The following EPHA2 variants were observed in gnomAD, a reference collection of about 807,000 sequenced individuals.
The protein encoded by EPHA2 is EPH receptor A2, also known as ephrin type-A receptor 2.
In EPHA2, 54 loss-of-function variants were observed where a neutral mutation model predicts 104.9. The observed-to-expected ratio is 0.51, with a 90% CI of 0.41 to 0.65. The LOEUF (loss-of-function observed/expected upper bound fraction) is 0.65, where lower values mean the gene tolerates loss of function less well. Ranked by LOEUF, EPHA2 falls within the 30% of genes least tolerant of loss-of-function variation. EPHA2 has a pLI of 0.00. For missense variants in EPHA2, 1,117 were observed against 1,369.5 expected (o/e 0.82, Z 2.91); for synonymous variants, 560 against 559.1 (o/e 1.00, Z -0.02).
At chr1:16,146,715 C>T (rs2024941220) in intron 3 of EPHA2, among the ~76,000 whole-genome samples, 1 of 152,152 alleles carries the variant, frequency 6.6e-6, no homozygotes, top group Non-Finnish European at 1.5e-5. Flanking sequence ...GGGAACTTCT[C>T]ATCGGGGGGT....
chr1:16,153,624 G>T (rs973675049), intron 1 of EPHA2, among the ~76,000 whole-genome samples: 1 of 152,210 alleles, frequency 6.6e-6, no homozygotes, highest in African/African-American at 2.4e-5. Context: ...CCTCTGTCCA[G>T]AAGGCCCTGG....
chr1:16,145,982 C>T (rs1280568546), intron 3 of EPHA2, among the ~76,000 whole-genome samples: 1 of 152,218 alleles, frequency 6.6e-6, no homozygotes, highest in Non-Finnish European at 1.5e-5. Flanking sequence ...TCTGATAAAG[C>T]GCTTGCTTGG....
intron 3 of EPHA2, among the ~76,000 whole-genome samples, chr1:16,145,906 G>T (rs907869053): frequency 1.2e-4 from 18 of 152,210 alleles, no homozygotes; most frequent in Admixed American, 6.5e-4. Context: ...CAGTTTCCTG[G>T]TCTATCAAAT....
At position 16,133,562 on chromosome 1, in the gene EPHA2, C is replaced by G. The variant is rs2124207387; in HGVS notation, c.1783G>C (p.Glu595Gln). Residue 595 changes from glutamate to glutamine, a missense_variant, in exon 10 of 17, where the codon GAG becomes CAG. Coordinates refer to ENST00000358432, the MANE Select transcript of EPHA2 (RefSeq NM_004431.5). ...LKTYVDPHTY[E>Q]DPNQAVLKFT... ...TTCAACACAGCCTGGTTGGGGTCCT[C>G]ATATGTGTGGGGGTCCACGTATGTC... 6.2e-7 allele frequency: 1 copy of G among 1,614,104 alleles called. No individual in the cohort carries two copies. Among genetic ancestry groups the G allele is most frequent in the Non-Finnish European group, 8.5e-7 (1 of 1,179,976 alleles).
rs2024647311 is a variant in EPHA2 at position 16,134,679 on chromosome 1, G to T, written c.1583-112C>A. On this transcript the variant is annotated intron_variant, in intron 7 of 16. Transcript: ENST00000358432. The surrounding 1 kb of genome is among the most constrained non-coding windows in gnomAD (Gnocchi z 4.5). ...ACTGTGTGCTGGGTGCTTGCACTTG[G>T]GAAGGCTCCAGAGGGTACTTAGTCC... 1 of 1,182,546 alleles carries T rather than the reference G, an allele frequency of 8.5e-7. No individual in the cohort carries two copies. The highest frequency in any genetic ancestry group is 1.2e-6 in the Non-Finnish European group (1 of 810,748). The allele number at this position is 1,182,546 out of a possible 1,614,324, so 73.3% of individuals were successfully genotyped here.
intron 1 of EPHA2, among the ~76,000 whole-genome samples, chr1:16,151,475 A>G (rs1172931398): frequency 6.6e-6 from 1 of 152,230 alleles, no homozygotes; most frequent in Non-Finnish European, 1.5e-5. Flanking sequence ...CAGGTCATGT[A>G]GCACACACAT....
At chr1:16,143,191 A>ATGGATGGATGGATGG (rs1557512021) in intron 3 of EPHA2, among the ~76,000 whole-genome samples, 10 of 28,886 alleles carry the variant, frequency 3.5e-4, no homozygotes, top group Non-Finnish European at 5.3e-4. Flanking sequence ...TGGATGGATG[A>ATGGATGGATGGATGG]ATGGATGGAT....
At position 16,135,272 on chromosome 1, in the gene EPHA2, C is replaced by G; in HGVS notation, c.1429-83G>C. On this transcript the variant is annotated intron_variant, in intron 6 of 16. Coordinates refer to ENST00000358432, the MANE Select transcript of EPHA2 (RefSeq NM_004431.5). This position sits in a 1 kb window ranked among gnomAD's most constrained non-coding sequence, Gnocchi z 4.3. ...TCAGCCCGCTGGAGACCACCCCAAG[C>G]TAGCAAGGTGGCTTGCCTTTGTTAG... 6.3e-7 allele frequency: 1 copy of G among 1,582,452 alleles called. No individual in the cohort carries two copies. The highest frequency in any genetic ancestry group is 8.6e-7 in the Non-Finnish European group (1 of 1,158,078).
chr1:16,137,297 T>TAAAAA (rs113394862), intron 5 of EPHA2, among the ~76,000 whole-genome samples: 1 of 140,314 alleles, frequency 7.1e-6, no homozygotes, highest in African/African-American at 2.5e-5. Context: ...GGTGATGAGC[T>TAAAAA]AAAAAAAAAA....
At position 16,150,315 on chromosome 1, in the gene EPHA2, C is replaced by T. The variant is rs1387811260; in HGVS notation, c.153+581G>A. The stretch of plus-strand genomic sequence containing the variant: ...AGATCACACAGCAGACACACACAGC[C>T]AGGGGAAGAACCCCCAGCCCCTGCC... On this transcript the variant is annotated intron_variant, in intron 2 of 16. Transcript: ENST00000358432. The surrounding 1 kb of genome is among the most constrained non-coding windows in gnomAD (Gnocchi z 4.8). Among the ~76,000 whole-genome samples, 1 of 152,194 alleles carries T rather than the reference C, an allele frequency of 6.6e-6. No individual in the cohort carries two copies. Among genetic ancestry groups the T allele is most frequent in the Non-Finnish European group, 1.5e-5 (1 of 68,026 alleles).
intron 16 of EPHA2, among the ~76,000 whole-genome samples, chr1:16,126,806 C>A (rs987681617): frequency 3.9e-5 from 6 of 152,268 alleles, no homozygotes; most frequent in Admixed American, 2.6e-4. Flanking sequence ...GGTTTAAAAA[C>A]CAGTGGGTTG....
Position 16,134,997 on chromosome 1 carries a change from G to A in EPHA2, c.1582+39C>T. 1.2e-6 allele frequency: 2 copies of A among 1,607,802 alleles called. No individual in the cohort carries two copies. Among genetic ancestry groups the A allele is most frequent in the Non-Finnish European group, 1.7e-6 (2 of 1,179,758 alleles). On this transcript the variant is annotated intron_variant, in intron 7 of 16. Coordinates refer to ENST00000358432, the MANE Select transcript of EPHA2 (RefSeq NM_004431.5). The surrounding 1 kb of genome is among the most constrained non-coding windows in gnomAD (Gnocchi z 4.5). ...AAGATGTCTCAATTGCTTGGTTCTGGGCCCTGGCCTGGTCCATGCCCAGGG... is the reference window on the plus strand; with the variant it reads ...AAGATGTCTCAATTGCTTGGTTCTGAGCCCTGGCCTGGTCCATGCCCAGGG...
In EPHA2 at chr1:16,134,646, G is replaced by A; in HGVS notation, c.1583-79C>T. The stretch of plus-strand genomic sequence containing the variant: ...CACCCGCGCTGCACCCAAGACACCT[G>A]GGCCCCTACTGTGTGCTGGGTGCTT... On this transcript the variant is annotated intron_variant, in intron 7 of 16. Transcript: ENST00000358432. The surrounding 1 kb of genome is among the most constrained non-coding windows in gnomAD (Gnocchi z 4.5). The A allele has an allele frequency of 6.9e-7, 1 of 1,451,836 alleles. No homozygotes were observed. 89.9% of individuals were successfully genotyped at this position (1,451,836 alleles called of 1,614,324 possible). A position where few individuals can be genotyped will look rare whatever the true frequency, so the allele number is the denominator to read the frequency against.
chr1:16,151,066 G>T, intron 1 of EPHA2, 103 bp from the exon 2 acceptor site: 1 of 1,100,156 alleles, frequency 9.1e-7, no homozygotes, highest in Non-Finnish European at 1.4e-6. Context: ...CTCTCAGACA[G>T]AGCGAGAGGG....
chr1:16,132,416 C>CA lies in EPHA2; in HGVS notation c.2076dup (p.Glu693Ter). ...TCCAGGGCCCCATTCTCCATGTACT[C>CA]AGTGATGATCATCATGGGCTTGTCT... On this transcript the variant is annotated frameshift_variant, in exon 12 of 17. Transcript: ENST00000358432. LOFTEE classifies it high-confidence loss of function. 6.2e-7 allele frequency: 1 copy of CA among 1,614,102 alleles called. No individual in the cohort carries two copies. Among genetic ancestry groups the CA allele is most frequent in the East Asian group, 2.2e-5 (1 of 44,880 alleles).
In EPHA2 at chr1:16,124,986, A is replaced by C. The variant is rs2024437882; in HGVS notation, c.*229T>G. 1 of 556,862 alleles carries C rather than the reference A, an allele frequency of 1.8e-6. No individual in the cohort carries two copies. Among genetic ancestry groups the C allele is most frequent in the Non-Finnish European group, 3.3e-6 (1 of 307,464 alleles). 34.5% of individuals were successfully genotyped at this position (556,862 alleles called of 1,614,324 possible). ...ATGCTGGGACGTGGCGGTGCCTGCT[A>C]AGTGCTCAGCTGTGTGCGTCTCGCA... is the stretch of plus-strand genomic sequence containing the variant. On this transcript the variant is annotated 3_prime_UTR_variant, in exon 17 of 17. Coordinates refer to ENST00000358432, the MANE Select transcript of EPHA2 (RefSeq NM_004431.5).
chr1:16,153,373 T>C (rs1278742175), intron 1 of EPHA2: 7 of 976,370 alleles, frequency 7.2e-6, no homozygotes, highest in Non-Finnish European at 8.5e-6. Context: ...GGGGAAAACA[T>C]GAAAGAAAAG....
Position 16,139,699 on chromosome 1 carries a change from G to A in EPHA2, c.824-1269C>T, listed in dbSNP as rs141121037. Among the ~76,000 whole-genome samples the A allele has an allele frequency of 6.6e-3, 1,008 of 152,342 alleles. 9 individuals are homozygous for A. The highest frequency in any genetic ancestry group is 0.024 in the African/African-American group (979 of 41,568). On this transcript the variant is annotated intron_variant, in intron 3 of 16. Coordinates refer to ENST00000358432, the MANE Select transcript of EPHA2 (RefSeq NM_004431.5). ...GGAATGATAGATGTTGGGAGAGGGA[G>A]TTAGGAGTGAGAAAGTGCATGACTA...
At position 16,135,454 on chromosome 1, in the gene EPHA2, G is replaced by A. The variant is rs1346501821; in HGVS notation, c.1428+201C>T. ...TCCTCACCCTGACTGCCTCTTCCAA[G>A]GACGCCATGTCTTCTCTCGTACAAA... On this transcript the variant is annotated intron_variant, in intron 6 of 16. Transcript: ENST00000358432. The surrounding 1 kb of genome is among the most constrained non-coding windows in gnomAD (Gnocchi z 4.3). The A allele has an allele frequency of 3.1e-5, 22 of 711,320 alleles. No individual in the cohort carries two copies. The highest frequency in any genetic ancestry group is 4.9e-5 in the Non-Finnish European group (20 of 407,568). 44.1% of individuals were successfully genotyped at this position (711,320 alleles called of 1,614,324 possible).
Sources: gnomAD v4.1 joint callset for allele counts (sites outside exome capture counted in the v4.1 genomes callset) on GRCh38, gnomAD v4.1.1 for gene constraint, Gnocchi (gnomAD v3.1) non-coding constraint, MANE v1.5 for transcripts, NCBI Gene and HGNC (gene_info 2026-07-23, HGNC 2026-07-21) for gene names.